The following RAB9B variants were observed in gnomAD, a reference collection of about 807,000 sequenced individuals.
RAB9B encodes ras-related protein Rab-9B.
A neutral mutation model predicts 8.9 loss-of-function variants in RAB9B; 1 was observed. The ratio of observed to expected loss-of-function variants is 0.11; its 90% CI spans 0.04 to 0.53. RAB9B has a LOEUF of 0.53. RAB9B is among the 20% of genes least tolerant of loss of function. RAB9B has a pLI of 0.93. For missense variants in RAB9B, 82 were observed against 152.9 expected, an observed-to-expected ratio of 0.54 and a Z score of 2.45; for synonymous variants, 63 against 57.0, an observed-to-expected ratio of 1.10 and a Z score of -0.47.
At chrX:103,788,065 A>G in the RAB9B span, 15 of 663,198 alleles carry the variant, frequency 2.3e-5, no homozygotes, top group Non-Finnish European at 3.2e-5. Flanking sequence ...ATTATGAGAA[A>G]AATATAAGAT....
the RAB9B span, among the ~76,000 whole-genome samples, chrX:103,800,554 C>G: frequency 1.8e-5 from 2 of 111,611 alleles, no homozygotes; most frequent in Non-Finnish European, 3.8e-5. Flanking sequence ...ATTCAGAAAA[C>G]CGTAAAACAC....
downstream of RAB9B, among the ~76,000 whole-genome samples, chrX:103,819,319 T>C (rs2074651119): frequency 8.9e-6 from 1 of 111,969 alleles, no homozygotes; most frequent in African/African-American, 3.2e-5. Context: ...CATTTACCCA[T>C]AGTTCATACA....
In RAB9B at chrX:103,824,933, G is replaced by C; in HGVS notation, c.*246C>G. 3.4e-6 allele frequency: 1 copy of C among 294,822 alleles called. No homozygotes were observed. The highest frequency in any genetic ancestry group is 5.8e-6 in the Non-Finnish European group (1 of 170,947). The allele number at this position is 294,822 out of a possible 1,213,427, so 24.3% of individuals were successfully genotyped here. A position where few individuals can be genotyped will look rare whatever the true frequency, so the allele number is the denominator to read the frequency against. Reference sequence around the variant, plus strand: ...GGACTAAAATTTTCTGATATGTCCTGAGACACACAAGAAGGGGAAATAGCA... The same window carrying C: ...GGACTAAAATTTTCTGATATGTCCTCAGACACACAAGAAGGGGAAATAGCA... On this transcript the variant is annotated 3_prime_UTR_variant, in exon 3 of 3. Coordinates refer to ENST00000243298, the MANE Select transcript of RAB9B (RefSeq NM_016370.4).
downstream of RAB9B, among the ~76,000 whole-genome samples, chrX:103,818,854 C>T (rs1337389426): frequency 9.0e-6 from 1 of 111,417 alleles, no homozygotes; most frequent in East Asian, 2.8e-4. Context: ...CTATTTCTTT[C>T]ATTACTTCAT....
the RAB9B span, chrX:103,790,562 C>T: frequency 5.0e-6 from 6 of 1,208,539 alleles, no homozygotes; most frequent in South Asian, 1.8e-5. Flanking sequence ...ACAACTTTGC[C>T]GTCCTTAAAC....
chrX:103,777,515 G>A, the RAB9B span, among the ~76,000 whole-genome samples: 2 of 112,351 alleles, frequency 1.8e-5, no homozygotes, highest in Non-Finnish European at 3.8e-5. Context: ...TCAGGTTCAG[G>A]AAATGAAAGT....
At chrX:103,797,061 T>TA in the RAB9B span, among the ~76,000 whole-genome samples, 23,630 of 96,508 alleles carry the variant, frequency 0.24, 2,624 homozygotes, top group Admixed American at 0.31. Flanking sequence ...TTATTAAAAA[T>TA]AAAAAGGAAT....
chrX:103,777,904 T>C, the RAB9B span, among the ~76,000 whole-genome samples: 1 of 112,542 alleles, frequency 8.9e-6, no homozygotes, highest in Non-Finnish European at 1.9e-5. Flanking sequence ...CTAAATGAAA[T>C]GAGACTCAGT....
the RAB9B span, among the ~76,000 whole-genome samples, chrX:103,812,389 A>G: frequency 9.0e-6 from 1 of 111,634 alleles, no homozygotes; most frequent in Non-Finnish European, 1.9e-5. Flanking sequence ...TATTTTTCTT[A>G]TTTTATCTCT....
the RAB9B span, chrX:103,785,818 A>C: frequency 9.5e-7 from 1 of 1,054,144 alleles, no homozygotes; most frequent in Non-Finnish European, 1.3e-6. Context: ...CCCTCTCTCC[A>C]TCCTGGAGAT....
the RAB9B span, among the ~76,000 whole-genome samples, chrX:103,801,975 A>G: frequency 1.2e-4 from 13 of 111,726 alleles, no homozygotes; most frequent in South Asian, 4.9e-3. Context: ...CCTAGTCTCT[A>G]CCATGAGGGG....
At chrX:103,795,838 T>C in the RAB9B span, among the ~76,000 whole-genome samples, 9 of 112,018 alleles carry the variant, frequency 8.0e-5, no homozygotes, top group African/African-American at 2.9e-4. Context: ...ATGGCTCAGC[T>C]AATTACTGCT....
chrX:103,789,896 A>G, the RAB9B span, among the ~76,000 whole-genome samples: 1 of 112,060 alleles, frequency 8.9e-6, no homozygotes, highest in South Asian at 3.7e-4. Context: ...TTATGATTAT[A>G]ATACAATGCT....
At chrX:103,785,977 T>TG in the RAB9B span, 1 of 419,707 alleles carries the variant, frequency 2.4e-6, no homozygotes, top group Non-Finnish European at 4.1e-6. Context: ...TGTCAGCCCC[T>TG]CCCACCCCCG....
the RAB9B span, among the ~76,000 whole-genome samples, chrX:103,800,693 G>A: frequency 8.9e-6 from 1 of 111,876 alleles, no homozygotes; most frequent in African/African-American, 3.2e-5. Flanking sequence ...TCATTTTAAT[G>A]TATCTGCGTG....
chrX:103,821,132 A>G (rs2074658651), downstream of RAB9B, among the ~76,000 whole-genome samples: 1 of 109,558 alleles, frequency 9.1e-6, no homozygotes, highest in East Asian at 2.8e-4. Flanking sequence ...AGGCCACTAC[A>G]CTCTAGCCTG....
chrX:103,794,397 C>T, the RAB9B span, among the ~76,000 whole-genome samples: 1 of 112,021 alleles, frequency 8.9e-6, no homozygotes, highest in African/African-American at 3.2e-5. Flanking sequence ...CACACACTGG[C>T]TCAATGCATG....
At chrX:103,803,745 T>G in the RAB9B span, among the ~76,000 whole-genome samples, 1 of 111,847 alleles carries the variant, frequency 8.9e-6, no homozygotes, top group East Asian at 2.8e-4. Flanking sequence ...GGCCAGCTAA[T>G]TTTTGTATTT....
chrX:103,811,604 A>T, the RAB9B span, among the ~76,000 whole-genome samples: 1 of 111,792 alleles, frequency 8.9e-6, no homozygotes, highest in Non-Finnish European at 1.9e-5. Context: ...AAAAAAATTT[A>T]AAAATGTATC....
Sources: allele counts gnomAD v4.1 joint callset (sites outside exome capture counted in the v4.1 genomes callset), GRCh38; gene constraint gnomAD v4.1.1; transcripts MANE v1.5; gene names NCBI Gene and HGNC (gene_info 2026-07-23, HGNC 2026-07-21).